Variants in ADGRL1 observed in about 807,000 individuals in gnomAD.
ADGRL1 encodes the protein adhesion G protein-coupled receptor L1, also known as CIRL-1.
A neutral mutation model predicts 148.9 loss-of-function variants in ADGRL1; 31 were observed. The observed-to-expected ratio is 0.21, with a 90% CI of 0.16 to 0.28. ADGRL1 has a LOEUF of 0.28. ADGRL1 is among the 10% of genes least tolerant of loss of function. The pLI is 1.00. For missense variants in ADGRL1, 1,521 were observed against 2,058.8 expected (o/e 0.74, Z 5.05); for synonymous variants, 937 against 900.3 (o/e 1.04, Z -0.73).
rs1969506663 is a variant in ADGRL1, at chr19:14,162,561, G to A, written c.1195+45C>T. On this transcript the variant is annotated intron_variant, in intron 5 of 22. Coordinates refer to ENST00000361434, the MANE Select transcript of ADGRL1 (RefSeq NM_014921.5). This position sits in a 1 kb window ranked among gnomAD's most constrained non-coding sequence, Gnocchi z 5.4. ...CCCAGGGGTGGGTGGGGGTGGAGGG[G>A]ACAAAGGCAAGCAGGCTCCATGCCT... 1.3e-6 allele frequency: 2 copies of A among 1,548,282 alleles called. No homozygotes were observed. The highest frequency in any genetic ancestry group is 1.4e-5 in the African/African-American group (1 of 74,054).
rs1156457734 is a variant in ADGRL1 at position 14,160,372 on chromosome 19, C to A, written c.1615-75G>T. ...ATCCTGCCCTCCCCGGCTTCCCTGG[C>A]CTGTGCAGCCTCTCCTATCTCTCTC... On this transcript the variant is annotated intron_variant, in intron 7 of 22. Transcript: ENST00000361434. The surrounding 1 kb of genome is among the most constrained non-coding windows in gnomAD (Gnocchi z 5.9). 1.5e-6 allele frequency: 2 copies of A among 1,351,256 alleles called. No individual in the cohort carries two copies. Among genetic ancestry groups the A allele is most frequent in the Non-Finnish European group, 2.0e-6 (2 of 983,036 alleles). The allele number at this position is 1,351,256 out of a possible 1,614,324, so 83.7% of individuals were successfully genotyped here.
Position 14,160,367 on chromosome 19 carries a change from C to A in ADGRL1, c.1615-70G>T. 1 of 1,432,206 alleles carries A rather than the reference C, an allele frequency of 7.0e-7. No homozygotes were observed. Among genetic ancestry groups the A allele is most frequent in the South Asian group, 1.3e-5 (1 of 76,776 alleles). The allele number at this position is 1,432,206 out of a possible 1,614,324, so 88.7% of individuals were successfully genotyped here. On this transcript the variant is annotated intron_variant, in intron 7 of 22. Coordinates refer to ENST00000361434, the MANE Select transcript of ADGRL1 (RefSeq NM_014921.5). This position sits in a 1 kb window ranked among gnomAD's most constrained non-coding sequence, Gnocchi z 5.9. Reference sequence around the variant, plus strand: ...GGACCATCCTGCCCTCCCCGGCTTCCCTGGCCTGTGCAGCCTCTCCTATCT... The same window carrying A: ...GGACCATCCTGCCCTCCCCGGCTTCACTGGCCTGTGCAGCCTCTCCTATCT...
intron 2 of ADGRL1, among the ~76,000 whole-genome samples, chr19:14,178,513 AAG>A (rs757320412): frequency 2.1e-4 from 32 of 151,928 alleles, no homozygotes; most frequent in Admixed American, 4.6e-4. Context: ...TCAATAAAAA[AAG>A]AGGGGGTGGG....
At chr19:14,164,153 T>C (rs1221746946) in intron 4 of ADGRL1, among the ~76,000 whole-genome samples, 2 of 151,602 alleles carry the variant, frequency 1.3e-5, no homozygotes, top group African/African-American at 4.9e-5. Flanking sequence ...CAGAGGCAGC[T>C]CCCAGGCTAG....
chr19:14,151,997 T>C (rs1968248656), intron 22 of ADGRL1, 136 bp downstream of exon 22: 1 of 817,410 alleles, frequency 1.2e-6, no homozygotes, highest in Non-Finnish European at 2.1e-6. Context: ...TGCCAGAGGC[T>C]GTGTGTCGGG....
intron 1 of ADGRL1, among the ~76,000 whole-genome samples, chr19:14,189,214 C>CTT (rs869270152): frequency 3.7e-5 from 5 of 136,428 alleles, no homozygotes; most frequent in Admixed American, 7.4e-5. Context: ...GCTATGTGGC[C>CTT]TTTTTTTTTT....
In ADGRL1 at chr19:14,155,853, C is replaced by T. The variant is rs945838393; in HGVS notation, c.3125+257G>A. ...TCTCTTTAAGTTGCCCTTAAACAGA[C>T]TCACCTTTTGAATTTAGCCTCAGCC... is the stretch of plus-strand genomic sequence containing the variant. On this transcript the variant is annotated intron_variant, in intron 17 of 22. Transcript: ENST00000361434. The surrounding 1 kb of genome is among the most constrained non-coding windows in gnomAD (Gnocchi z 5.0). The T allele has an allele frequency of 5.2e-6, 3 of 581,152 alleles. No homozygotes were observed. The highest frequency in any genetic ancestry group is 9.2e-6 in the Non-Finnish European group (3 of 325,698). The allele number at this position is 581,152 out of a possible 1,614,324, so 36.0% of individuals were successfully genotyped here.
chr19:14,150,624 T>G lies in ADGRL1; in HGVS notation c.*249A>C, dbSNP rs1375772631. 3 of 531,784 alleles carry G rather than the reference T, an allele frequency of 5.6e-6. No homozygotes were observed. The highest frequency in any genetic ancestry group is 9.9e-6 in the Non-Finnish European group (3 of 303,272). 32.9% of individuals were successfully genotyped at this position (531,784 alleles called of 1,614,324 possible). On this transcript the variant is annotated 3_prime_UTR_variant, in exon 23 of 23. Transcript: ENST00000361434. ...CTCACTCCCCTGGGGTCCTCTGGGC[T>G]CCTCCTCACTACACTTCCCCCAAAT...
intron 1 of ADGRL1, among the ~76,000 whole-genome samples, chr19:14,184,646 A>ATTTTTTTTTTTT (rs368698858): frequency 1.0e-4 from 10 of 97,732 alleles, no homozygotes; most frequent in African/African-American, 3.3e-4. Context: ...TTATTTATTT[A>ATTTTTTTTTTTT]TTTTTTTTTC....
Position 14,157,854 on chromosome 19 carries a change from T to C in ADGRL1, c.2535+28A>G, listed in dbSNP as rs200998442. 1 of 1,611,748 alleles carries C rather than the reference T, an allele frequency of 6.2e-7. No individual in the cohort carries two copies. The highest frequency in any genetic ancestry group is 2.2e-5 in the East Asian group (1 of 44,874). On this transcript the variant is annotated intron_variant, in intron 13 of 22. Coordinates refer to ENST00000361434, the MANE Select transcript of ADGRL1 (RefSeq NM_014921.5). This position sits in a 1 kb window ranked among gnomAD's most constrained non-coding sequence, Gnocchi z 7.5. ...AGCCAGGCCAGCAATCGGGCCTGCC[T>C]GGAGGAGCAGAGCACCAGCCAGCTT...
intron 1 of ADGRL1, chr19:14,191,255 G>C (rs568953879): frequency 2.2e-6 from 1 of 456,664 alleles, no homozygotes; most frequent in Admixed American, 2.3e-5. Context: ...CCTCCCCAGA[G>C]ACGCAGACAT....
chr19:14,193,021 G>A (rs1249597492), intron 1 of ADGRL1, among the ~76,000 whole-genome samples: 12 of 152,142 alleles, frequency 7.9e-5, no homozygotes, highest in East Asian at 3.9e-4. Flanking sequence ...GAGATGGGGC[G>A]TCTGCCCTGT....
chr19:14,159,045 G>C lies in ADGRL1; in HGVS notation c.2149+45C>G, dbSNP rs533424748. The C allele has an allele frequency of 1.2e-6, 2 of 1,609,284 alleles. No individual in the cohort carries two copies. Among genetic ancestry groups the C allele is most frequent in the South Asian group, 2.2e-5 (2 of 90,882 alleles). On this transcript the variant is annotated intron_variant, in intron 11 of 22. Transcript: ENST00000361434. This position sits in a 1 kb window ranked among gnomAD's most constrained non-coding sequence, Gnocchi z 6.0. Reference sequence around the variant, plus strand: ...ACGCTGGCACAGAGCTGGGGGGTGGGGGTGGGGCTGCTTCCCCACCCGAGG... The same window carrying C: ...ACGCTGGCACAGAGCTGGGGGGTGGCGGTGGGGCTGCTTCCCCACCCGAGG...
At chr19:14,164,147 G>A (rs1969720724) in intron 4 of ADGRL1, among the ~76,000 whole-genome samples, 1 of 151,898 alleles carries the variant, frequency 6.6e-6, no homozygotes, top group Non-Finnish European at 1.5e-5. Context: ...GATTCCCAGA[G>A]GCAGCTCCCA....
chr19:14,194,526 C>G (rs1370069565), intron 1 of ADGRL1, among the ~76,000 whole-genome samples: 2 of 152,208 alleles, frequency 1.3e-5, no homozygotes, highest in Non-Finnish European at 2.9e-5. Context: ...TCCTAATAAC[C>G]ATTTAGGAAG....
intron 1 of ADGRL1, among the ~76,000 whole-genome samples, chr19:14,199,901 T>C (rs1260848299): frequency 6.6e-6 from 1 of 151,862 alleles, no homozygotes. Flanking sequence ...ACCCAGCTAA[T>C]TTTTGTATTT....
chr19:14,184,614 A>ATTTC, intron 1 of ADGRL1, among the ~76,000 whole-genome samples: 1 of 114,720 alleles, frequency 8.7e-6, no homozygotes, highest in Non-Finnish European at 1.7e-5. Context: ...TATTTTATTT[A>ATTTC]TTTATTTATT....
intron 1 of ADGRL1, among the ~76,000 whole-genome samples, chr19:14,186,784 C>T (rs980406475): frequency 2.5e-4 from 38 of 152,176 alleles, no homozygotes; most frequent in Non-Finnish European, 1.2e-4. Context: ...TCTGTCCTCC[C>T]TCCTGTTCCT....
Position 14,161,449 on chromosome 19 carries a change from C to T in ADGRL1, c.1373G>A (p.Ser458Asn), listed in dbSNP as rs570416109. 9 of 1,453,846 alleles carry T rather than the reference C, an allele frequency of 6.2e-6. No individual in the cohort carries two copies. The African/African-American group carries it at 1.3e-4, about 20-fold the overall frequency. The allele number at this position is 1,453,846 out of a possible 1,614,324, so 90.1% of individuals were successfully genotyped here. ...DLPPATAPVP[S>N]TRRPPAPNLH... is the part of the protein sequence containing the mutation. ...ATTCGGGGCTGGGGGCCGCCGGGTG[C>T]TGGGGACTGGGGCTGTGGCTGGAGG... The change falls in exon 6 of 23, where the codon AGC becomes AAC. Residue 458 changes from serine (S) to asparagine (N), a missense_variant. Transcript: ENST00000361434. This position sits in a 1 kb window ranked among gnomAD's most constrained non-coding sequence, Gnocchi z 4.4.
Sources: gnomAD v4.1 joint callset for allele counts (sites outside exome capture counted in the v4.1 genomes callset) on GRCh38, gnomAD v4.1.1 for gene constraint, Gnocchi (gnomAD v3.1) non-coding constraint, MANE v1.5 for transcripts, NCBI Gene and HGNC (gene_info 2026-07-23, HGNC 2026-07-21) for gene names.